Variants in LAMA2 observed in about 807,000 individuals in gnomAD.
The protein encoded by LAMA2 is laminin subunit alpha-2.
Under a neutral mutation model 364.8 loss-of-function variants are expected in LAMA2, and 269 were observed. The ratio of observed to expected loss-of-function variants is 0.74; its 90% CI spans 0.67 to 0.82. The LOEUF is 0.82. Among genes scored for constraint, LAMA2 ranks in the 40% least tolerant of loss-of-function variants. LAMA2 has a pLI of 0.00. For missense variants in LAMA2, 3,807 were observed against 3,873.2 expected (o/e 0.98, Z 0.45); for synonymous variants, 1,379 against 1,370.6 (o/e 1.01, Z -0.14).
intron 9 of LAMA2, among the ~76,000 whole-genome samples, chr6:129,172,663 G>GAGGC (rs1780270408): frequency 6.6e-5 from 10 of 152,228 alleles, no homozygotes; most frequent in Admixed American, 6.5e-4. Flanking sequence ...GGAGCCTACA[G>GAGGC]AGGCAGGCAG....
chr6:129,147,695 A>G (rs1778552082), intron 6 of LAMA2, among the ~76,000 whole-genome samples: 1 of 152,124 alleles, frequency 6.6e-6, no homozygotes, highest in Admixed American at 6.5e-5. Flanking sequence ...CATCTCCTGT[A>G]TAGTATATGG....
chr6:129,401,962 C>A (rs549753160), intron 38 of LAMA2, among the ~76,000 whole-genome samples: 1 of 152,212 alleles, frequency 6.6e-6, no homozygotes, highest in Non-Finnish European at 1.5e-5. Context: ...AATCCCAGCA[C>A]TTTGGGAGGC....
At chr6:129,314,566 A>G in intron 23 of LAMA2, 89 bp from the exon 24 acceptor site, 2 of 1,244,248 alleles carry the variant, frequency 1.6e-6, no homozygotes, top group East Asian at 4.7e-5. Context: ...AATTTTTTAA[A>G]AAGAGTATGC....
In LAMA2 at chr6:129,019,736, C is replaced by T. The variant is rs115144420; in HGVS notation, c.113-30182C>T. On this transcript the variant is annotated intron_variant, in intron 1 of 64. Transcript: ENST00000421865. ...CTACATAATCTTTATTCCCTACTAA[C>T]ATTTAACTGTGATATCCTAAAATGG... 3.9e-3 allele frequency among the ~76,000 whole-genome samples: 599 copies of T among 152,258 alleles called. 8 individuals are homozygous for T. Among genetic ancestry groups the T allele is most frequent in the African/African-American group, 0.014 (567 of 41,546 alleles).
At chr6:129,063,455 C>T (rs1263030812) in intron 3 of LAMA2, among the ~76,000 whole-genome samples, 2 of 152,030 alleles carry the variant, frequency 1.3e-5, no homozygotes, top group African/African-American at 2.4e-5. Flanking sequence ...CCATTATCTC[C>T]GTCATGCCCT....
At chr6:129,321,414 C>G (rs1398200968) in intron 28 of LAMA2, among the ~76,000 whole-genome samples, 1 of 152,140 alleles carries the variant, frequency 6.6e-6, no homozygotes, top group Non-Finnish European at 1.5e-5. Context: ...AACACCAAGT[C>G]CCTGAGTAAC....
chr6:129,392,016 A>G (rs532721256), intron 36 of LAMA2, among the ~76,000 whole-genome samples: 1 of 152,312 alleles, frequency 6.6e-6, no homozygotes, highest in South Asian at 2.1e-4. Flanking sequence ...CTATCAGTTG[A>G]TTTTTGTTTT....
In LAMA2 at chr6:129,505,324, C is replaced by T; in HGVS notation, c.8672C>T (p.Pro2891Leu). The T allele has an allele frequency of 1.2e-6, 2 of 1,613,778 alleles. No individual in the cohort carries two copies. Among genetic ancestry groups the T allele is most frequent in the Non-Finnish European group, 1.7e-6 (2 of 1,179,738 alleles). ...VVGMLYVGGL[P>L]INYTTRRIGP... Reference sequence around the variant, plus strand: ...GGAATGCTGTATGTTGGTGGGTTACCCATCAACTACACTACCCGAAGAATT... The same window carrying T: ...GGAATGCTGTATGTTGGTGGGTTACTCATCAACTACACTACCCGAAGAATT... The change falls in exon 61 of 65, where the codon CCC (proline) becomes CTC (leucine). Residue 2891 changes from proline to leucine, a missense_variant. Pro to Leu is a moderately conservative substitution (Grantham distance 98). Coordinates refer to ENST00000421865, the MANE Select transcript of LAMA2 (RefSeq NM_000426.4).
intron 1 of LAMA2, among the ~76,000 whole-genome samples, chr6:128,939,815 A>G (rs1780048979): frequency 6.6e-6 from 1 of 152,164 alleles, no homozygotes; most frequent in African/African-American, 2.4e-5. Flanking sequence ...AAGAAACAAG[A>G]ATCTCTCCTA....
intron 55 of LAMA2, among the ~76,000 whole-genome samples, chr6:129,482,498 C>T (rs1340176714): frequency 6.6e-6 from 1 of 152,034 alleles, no homozygotes; most frequent in Non-Finnish European, 1.5e-5. Flanking sequence ...ATTTTGTCTG[C>T]CATGACCAAA....
At chr6:129,301,354 T>C (rs1271122207) in intron 22 of LAMA2, among the ~76,000 whole-genome samples, 1 of 152,128 alleles carries the variant, frequency 6.6e-6, no homozygotes, top group African/African-American at 2.4e-5. Flanking sequence ...GAAATTGACA[T>C]GGCCAGAGTC....
Position 129,453,076 on chromosome 6 carries a change from A to T in LAMA2, c.6518A>T (p.Asn2173Ile), listed in dbSNP as rs529110314. The change falls in exon 46 of 65, where the codon AAC becomes ATC. Residue 2173 changes from asparagine to isoleucine, a missense_variant. This residue lies in a region of LAMA2 where 3,333 missense variants were observed against 3,345.7 expected (regional missense o/e 1.00). Transcript: ENST00000421865. ...GGAAGTTACAATAATATTGTTGTCAACGTAAAGACAGCTGTTGCTGATAAC... is the reference window on the plus strand; with the variant it reads ...GGAAGTTACAATAATATTGTTGTCATCGTAAAGACAGCTGTTGCTGATAAC... ...KKGSYNNIVVNVKTAVADNLL... is the reference protein window; with the variant it reads ...KKGSYNNIVVIVKTAVADNLL... The T allele has an allele frequency of 6.2e-7, 1 of 1,613,070 alleles. No homozygotes were observed. The highest frequency in any genetic ancestry group is 1.3e-5 in the African/African-American group (1 of 74,904).
intron 1 of LAMA2, among the ~76,000 whole-genome samples, chr6:128,888,489 A>T (rs1776272903): frequency 1.3e-5 from 2 of 152,234 alleles, no homozygotes; most frequent in African/African-American, 4.8e-5. Context: ...AAACAAATAC[A>T]ACGGGGTAAG....
At chr6:129,293,119 G>A (rs1221158706) in intron 20 of LAMA2, 2 of 981,974 alleles carry the variant, frequency 2.0e-6, no homozygotes, top group Non-Finnish European at 1.2e-6. Context: ...TGTTCTGTGT[G>A]CTGTGGCTGA....
rs150480985 is a variant in LAMA2 at position 129,466,907 on chromosome 6, G to C, written c.7300+1618G>C. 1.3e-4 allele frequency among the ~76,000 whole-genome samples: 20 copies of C among 151,844 alleles called. 2 individuals carry two copies. In the East Asian group the frequency reaches 3.9e-3, roughly 30 times the overall value. On this transcript the variant is annotated intron_variant, in intron 51 of 64. Coordinates refer to ENST00000421865, the MANE Select transcript of LAMA2 (RefSeq NM_000426.4). ...GAGAACTCTAAGAGTTTTAAGAAAG[G>C]GTGTGATATCATAAGACTTGTGCTT...
intron 53 of LAMA2, among the ~76,000 whole-genome samples, chr6:129,477,951 C>CT (rs966365364): frequency 4.0e-5 from 6 of 151,386 alleles, no homozygotes; most frequent in Non-Finnish European, 1.5e-5. Flanking sequence ...TGCCCAGCTA[C>CT]TTTTTTTGGA....
chr6:129,076,159 A>T (rs1451347863), intron 3 of LAMA2, among the ~76,000 whole-genome samples: 1 of 151,832 alleles, frequency 6.6e-6, no homozygotes, highest in Non-Finnish European at 1.5e-5. Flanking sequence ...GAGTTGAGTG[A>T]TGTGCACTGG....
In LAMA2 at chr6:129,514,589, T is replaced by G; in HGVS notation, c.9205T>G (p.Phe3069Val). ...AAATGACCCTGTGTTTGTTGGAGGC[T>G]TCCCAGGTGAGTGTTGGCTACCCCA... ...DTNDPVFVGGFPDDLKQFGLT... is the reference protein window; with the variant it reads ...DTNDPVFVGGVPDDLKQFGLT... Residue 3069 changes from phenylalanine to valine, a missense_variant, in exon 64 of 65, where the codon TTC becomes GTC. Physicochemically the swap from Phe to Val is conservative, Grantham distance 50. This residue lies in a region of LAMA2 where 3,333 missense variants were observed against 3,345.7 expected (regional missense o/e 1.00). Transcript: ENST00000421865. 6.2e-7 allele frequency: 1 copy of G among 1,613,626 alleles called. No homozygotes were observed. The highest frequency in any genetic ancestry group is 8.5e-7 in the Non-Finnish European group (1 of 1,179,686).
chr6:129,192,471 C>A (rs1331619320), intron 11 of LAMA2, among the ~76,000 whole-genome samples: 4 of 151,572 alleles, frequency 2.6e-5, no homozygotes, highest in African/African-American at 9.7e-5. Flanking sequence ...CTAGAAACAT[C>A]AAGGAAAAAA....
Sources: gnomAD v4.1 joint callset for allele counts (sites outside exome capture counted in the v4.1 genomes callset) on GRCh38, gnomAD v4.1.1 for gene constraint, gnomAD v4.1.1 regional missense constraint, MANE v1.5 for transcripts, NCBI Gene and HGNC (gene_info 2026-07-23, HGNC 2026-07-21) for gene names.